Variants in AFDN observed in about 807,000 individuals in gnomAD.
AFDN encodes afadin, adherens junction formation factor.
A neutral mutation model predicts 216.6 loss-of-function variants in AFDN; 68 were observed. The observed-to-expected ratio is 0.31, with a 90% CI of 0.26 to 0.38. The LOEUF (loss-of-function observed/expected upper bound fraction) is 0.38, where lower values mean the gene tolerates loss of function less well. AFDN is among the 10% of genes least tolerant of loss of function. The pLI is 1.00. For synonymous variants in AFDN, 868 were observed against 853.7 expected, an observed-to-expected ratio of 1.02 and a Z score of -0.29; for missense variants, 2,136 against 2,342.0, an observed-to-expected ratio of 0.91 and a Z score of 1.82.
At chr6:167,883,041 T>G (rs972854736) in intron 6 of AFDN, among the ~76,000 whole-genome samples, 3 of 151,754 alleles carry the variant, frequency 2.0e-5, no homozygotes, top group Admixed American at 6.6e-5. Context: ...AAGGCAAAAA[T>G]TTACCTCCCA....
chr6:167,930,286 A>T (rs1224386760), intron 23 of AFDN, among the ~76,000 whole-genome samples: 1 of 152,192 alleles, frequency 6.6e-6, no homozygotes, highest in Non-Finnish European at 1.5e-5. Flanking sequence ...CGCTCATGAA[A>T]GTTTTTTTTA....
intron 8 of AFDN, 57 bp from the exon 9 acceptor site, chr6:167,893,805 G>T (rs1181821584): frequency 5.9e-6 from 8 of 1,354,092 alleles, no homozygotes; most frequent in Non-Finnish European, 6.2e-6. Flanking sequence ...GTTCTGCATG[G>T]TCTCTCTCCT....
At chr6:167,929,327 G>A (rs1298059367) in intron 23 of AFDN, among the ~76,000 whole-genome samples, 2 of 152,072 alleles carry the variant, frequency 1.3e-5, no homozygotes, top group Non-Finnish European at 2.9e-5. Context: ...CTTCTAACTG[G>A]GTTGTAGGCT....
chr6:167,861,753 T>C (rs1783599693), intron 1 of AFDN, among the ~76,000 whole-genome samples: 1 of 152,254 alleles, frequency 6.6e-6, no homozygotes, highest in Non-Finnish European at 1.5e-5. Flanking sequence ...GTTTTTCTTT[T>C]GGTTCTTTAA....
At chr6:167,932,929 T>C (rs1793499050) in intron 23 of AFDN, among the ~76,000 whole-genome samples, 1 of 152,258 alleles carries the variant, frequency 6.6e-6, no homozygotes, top group Middle Eastern at 3.2e-3. Context: ...TTGTTTTTGC[T>C]ACTTTTGTGC....
At chr6:167,864,822 G>A (rs547613688) in intron 2 of AFDN, 76 bp downstream of exon 2, 32 of 1,417,558 alleles carry the variant, frequency 2.3e-5, no homozygotes, top group Non-Finnish European at 2.8e-5. Flanking sequence ...GGTCATTGTG[G>A]TCATGTCAGG....
intron 1 of AFDN, among the ~76,000 whole-genome samples, chr6:167,861,457 C>T (rs1056406371): frequency 1.3e-5 from 2 of 152,206 alleles, no homozygotes; most frequent in Non-Finnish European, 2.9e-5. Context: ...ACACCAGTAT[C>T]TCCTTACTCC....
In AFDN at chr6:167,852,543, A is replaced by G. The variant is rs1424804972; in HGVS notation, c.106-12008A>G. 1.3e-5 allele frequency among the ~76,000 whole-genome samples: 2 copies of G among 152,208 alleles called. 1 individual carries two copies. The highest frequency in any genetic ancestry group is 3.8e-4 in the East Asian group (2 of 5,202). ...AGTGGTGACAGCCCCTGTACTGTCA[A>G]GTTCCTTATCACTGTTTCATTCGGA... On this transcript the variant is annotated intron_variant, in intron 1 of 33. Transcript: ENST00000683244.
At chr6:167,944,391 G>T (rs528881812) in intron 26 of AFDN, among the ~76,000 whole-genome samples, 2 of 152,138 alleles carry the variant, frequency 1.3e-5, no homozygotes, top group Non-Finnish European at 2.9e-5. Context: ...AGGATGAACT[G>T]GGAAAAAAAC....
chr6:167,829,767 G>A (rs1359645015), intron 1 of AFDN, among the ~76,000 whole-genome samples: 1 of 151,826 alleles, frequency 6.6e-6, no homozygotes, highest in African/African-American at 2.4e-5. Flanking sequence ...AGGCAGCTTT[G>A]ATAACCACTG....
At chr6:167,848,761 T>C (rs1781974089) in intron 1 of AFDN, among the ~76,000 whole-genome samples, 1 of 152,222 alleles carries the variant, frequency 6.6e-6, no homozygotes, top group African/African-American at 2.4e-5. Flanking sequence ...TTCAATTTGT[T>C]ACCCTGATTT....
intron 23 of AFDN, among the ~76,000 whole-genome samples, chr6:167,938,284 C>CGATTTGGGTGGAGAAT (rs1241894524): frequency 1.3e-5 from 2 of 151,962 alleles, no homozygotes; most frequent in East Asian, 3.9e-4. Flanking sequence ...AGGTGAGGGG[C>CGATTTGGGTGGAGAAT]GATTTGGGTG....
chr6:167,966,957 C>G (rs1344637738), intron 32 of AFDN, among the ~76,000 whole-genome samples: 1 of 152,228 alleles, frequency 6.6e-6, no homozygotes, highest in South Asian at 2.1e-4. Flanking sequence ...GCAGCCAGAC[C>G]TTAGCAGGCG....
chr6:167,894,634 T>G (rs1027522156), intron 9 of AFDN, among the ~76,000 whole-genome samples: 1 of 152,188 alleles, frequency 6.6e-6, no homozygotes, highest in African/African-American at 2.4e-5. Flanking sequence ...AACTATGGTT[T>G]CCTATTATTA....
At chr6:167,882,485 CAA>C (rs143438459) in intron 6 of AFDN, among the ~76,000 whole-genome samples, 80,394 of 142,474 alleles carry the variant, frequency 0.56, 22,941 homozygotes, top group African/African-American at 0.65. Context: ...ACTAAAACTA[CAA>C]AAAAAAAAAA....
intron 15 of AFDN, 37 bp from the exon 16 acceptor site, chr6:167,913,366 C>T (rs533174295): frequency 4.5e-5 from 69 of 1,533,940 alleles, no homozygotes; most frequent in African/African-American, 2.5e-4. Context: ...TTCTTTCTCT[C>T]GTTCTGCTTG....
chr6:167,955,999 C>T (rs887379857), intron 30 of AFDN, among the ~76,000 whole-genome samples: 5 of 150,732 alleles, frequency 3.3e-5, no homozygotes. Flanking sequence ...CCTGTAATGC[C>T]AGCTACTCAG....
intron 13 of AFDN, among the ~76,000 whole-genome samples, chr6:167,909,255 A>G (rs1051508808): frequency 1.3e-5 from 2 of 152,098 alleles, no homozygotes; most frequent in African/African-American, 4.8e-5. Flanking sequence ...TCTGAAACAT[A>G]TAATTTGATA....
intron 33 of AFDN, among the ~76,000 whole-genome samples, 179 bp from the exon 34 acceptor site, chr6:167,969,603 C>T (rs567383728): frequency 1.4e-4 from 22 of 152,248 alleles, no homozygotes; most frequent in African/African-American, 5.1e-4. Context: ...GAACATGTTG[C>T]CCTTTTTTTC....
Sources: gnomAD v4.1 joint callset for allele counts (sites outside exome capture counted in the v4.1 genomes callset) on GRCh38, gnomAD v4.1.1 for gene constraint, MANE v1.5 for transcripts, NCBI Gene and HGNC (gene_info 2026-07-23, HGNC 2026-07-21) for gene names.